ARSG: variants seen among roughly 807,000 people sequenced by gnomAD.
ARSG encodes ASG.
Under a neutral mutation model 50.5 loss-of-function variants are expected in ARSG, and 37 were observed. That is an observed-to-expected ratio of 0.73 (90% CI 0.56 to 0.96). The LOEUF (loss-of-function observed/expected upper bound fraction) is 0.96, where lower values mean the gene tolerates loss of function less well. Ranked by LOEUF, ARSG falls within the 50% of genes least tolerant of loss-of-function variation. The pLI is 0.00. For missense variants in ARSG, 629 were observed against 675.3 expected (o/e 0.93, Z 0.76); for synonymous variants, 225 against 254.6 (o/e 0.88, Z 1.11).
At position 68,271,697 on chromosome 17, in the gene ARSG, A is replaced by T; in HGVS notation, c.-552+12271A>T. 6.6e-7 allele frequency: 1 copy of T among 1,512,496 alleles called. No homozygotes were observed. Among genetic ancestry groups the T allele is most frequent in the Non-Finnish European group, 9.1e-7 (1 of 1,104,114 alleles). The allele number at this position is 1,512,496 out of a possible 1,614,324, so 93.7% of individuals were successfully genotyped here. On this transcript the variant is annotated intron_variant, in intron 1 of 11. Coordinates refer to the ARSG transcript ENST00000448504. This position sits in a 1 kb window ranked among gnomAD's most constrained non-coding sequence, Gnocchi z 5.3. ...GAAGAAGAAATAATATAAGGTCAATAATGGACTCAAGACCCAGGAGAAGCC... is the reference window on the plus strand; with the variant it reads ...GAAGAAGAAATAATATAAGGTCAATTATGGACTCAAGACCCAGGAGAAGCC...
intron 2 of ARSG, among the ~76,000 whole-genome samples, chr17:68,315,604 C>A (rs1445546594): frequency 1.3e-5 from 2 of 151,708 alleles, no homozygotes; most frequent in Non-Finnish European, 2.9e-5. Flanking sequence ...GCTGTCCAAG[C>A]ATAAGAGGCA....
chr17:68,426,254 G>GGGCCGCCCCCCCCC, downstream of ARSG: 1 of 816,924 alleles, frequency 1.2e-6, no homozygotes, highest in Non-Finnish European at 1.9e-6. Context: ...GGGAGCGGGG[G>GGGCCGCCCCCCCCC]CTCAAATAAA....
downstream of ARSG, chr17:68,426,310 T>G: frequency 1.4e-6 from 1 of 712,866 alleles, no homozygotes; most frequent in Non-Finnish European, 2.4e-6. Context: ...CTGGAGGTAC[T>G]GTGCCTAGGA....
At position 68,271,650 on chromosome 17, in the gene ARSG, G is replaced by C; in HGVS notation, c.-552+12224G>C. Reference sequence around the variant, plus strand: ...AGCCAATGCGCTCCTTCAGAGCCATGATTGCTTGAATAGGCAGGAGTGAAG... The same window carrying C: ...AGCCAATGCGCTCCTTCAGAGCCATCATTGCTTGAATAGGCAGGAGTGAAG... On this transcript the variant is annotated intron_variant, in intron 1 of 11. Transcript: ENST00000448504. This position sits in a 1 kb window ranked among gnomAD's most constrained non-coding sequence, Gnocchi z 5.3. The C allele has an allele frequency of 1.2e-6, 2 of 1,610,628 alleles. No homozygotes were observed. Among genetic ancestry groups the C allele is most frequent in the South Asian group, 2.2e-5 (2 of 91,000 alleles).
chr17:68,426,759 C>T (rs546488392), downstream of ARSG, among the ~76,000 whole-genome samples: 1 of 152,058 alleles, frequency 6.6e-6, no homozygotes, highest in African/African-American at 2.4e-5. Flanking sequence ...GGTCTCAAAC[C>T]CCTGGCCTCC....
At chr17:68,269,158 A>G in intron 1 of ARSG, 1 of 1,530,034 alleles carries the variant, frequency 6.5e-7, no homozygotes, top group Non-Finnish European at 8.7e-7. Flanking sequence ...ATTTCCAGAA[A>G]GTCTTCAGGT....
chr17:68,448,404 G>C, the ARSG span: 2 of 152,208 alleles, frequency 1.3e-5, no homozygotes, highest in Non-Finnish European at 2.9e-5. Flanking sequence ...TCCGACGTTA[G>C]ATCTTGGTTC....
chr17:68,370,836 T>G (rs1432983363), intron 8 of ARSG, among the ~76,000 whole-genome samples: 1 of 152,208 alleles, frequency 6.6e-6, no homozygotes, highest in Admixed American at 6.5e-5. Context: ...TTGTCTTTAC[T>G]TTCATCCTGT....
rs144540075 is a variant in ARSG, at chr17:68,346,422, G to T, written c.407-703G>T. ...TCTCTCGTTTGAGCGGTTTAATGCT[G>T]CCAGCGTCTCAATCTTTGTACCACA... On this transcript the variant is annotated intron_variant, in intron 3 of 11. Coordinates refer to ENST00000621439, the MANE Select transcript of ARSG (RefSeq NM_001267727.2). Among the ~76,000 whole-genome samples the T allele has an allele frequency of 1.8e-3, 279 of 152,272 alleles. 3 individuals carry two copies. Among genetic ancestry groups the T allele is most frequent in the African/African-American group, 6.4e-3 (266 of 41,544 alleles).
At chr17:68,426,250 G>GGGGGGGGGGGT, downstream of ARSG, 3 of 828,060 alleles carry the variant, frequency 3.6e-6, no homozygotes, top group Non-Finnish European at 1.9e-6. Flanking sequence ...GGTGGGGAGC[G>GGGGGGGGGGGT]GGGGCTCAAA....
At chr17:68,441,144 T>C in the ARSG span, 1 of 152,300 alleles carries the variant, frequency 6.6e-6, no homozygotes, top group African/African-American at 2.4e-5. Context: ...AGGACTTTCA[T>C]GGAGATTTCC....
chr17:68,428,950 A>G, the ARSG span: 3 of 1,604,076 alleles, frequency 1.9e-6, no homozygotes, highest in Non-Finnish European at 2.6e-6. Context: ...AGGGCCAAGG[A>G]AAACATAAAC....
intron 5 of ARSG, among the ~76,000 whole-genome samples, chr17:68,353,278 G>A (rs2078885260): frequency 6.6e-6 from 1 of 152,042 alleles, no homozygotes; most frequent in Admixed American, 6.5e-5. Flanking sequence ...GAAAGAGGTA[G>A]GAATGGAGAT....
intron 2 of ARSG, among the ~76,000 whole-genome samples, chr17:68,318,489 G>A (rs150429076): frequency 6.6e-6 from 1 of 152,346 alleles, no homozygotes; most frequent in African/African-American, 2.4e-5. Context: ...GAGCTCCTGG[G>A]CAGTAATGAC....
chr17:68,273,890 T>C (rs1479515787), intron 1 of ARSG: 1 of 1,601,462 alleles, frequency 6.2e-7, no homozygotes, highest in African/African-American at 1.3e-5. Context: ...TCAAACTAAG[T>C]GTCTAGACAA....
intron 1 of ARSG, among the ~76,000 whole-genome samples, chr17:68,260,853 T>C (rs1555745056): frequency 6.6e-6 from 1 of 151,766 alleles, no homozygotes; most frequent in African/African-American, 2.4e-5. Context: ...GAAAGCATTA[T>C]GGAAAAAAAA....
chr17:68,388,572 T>A (rs889149335), intron 9 of ARSG, among the ~76,000 whole-genome samples: 1 of 152,054 alleles, frequency 6.6e-6, no homozygotes, highest in Non-Finnish European at 1.5e-5. Context: ...CCTTCAGAGA[T>A]GAACTGGGGC....
chr17:68,353,781 A>T, intron 5 of ARSG, among the ~76,000 whole-genome samples: 1 of 152,132 alleles, frequency 6.6e-6, no homozygotes, highest in African/African-American at 2.4e-5. Context: ...TGATCATTAC[A>T]ATTTCCGCCT....
chr17:68,343,485 G>A, intron 2 of ARSG, 119 bp from the exon 3 acceptor site: 1 of 1,045,152 alleles, frequency 9.6e-7, no homozygotes, highest in Non-Finnish European at 1.4e-6. Context: ...CTTGTTCCAT[G>A]ACTGGGTGAT....
Sources: allele counts gnomAD v4.1 joint callset (sites outside exome capture counted in the v4.1 genomes callset), GRCh38; gene constraint gnomAD v4.1.1; non-coding constraint Gnocchi (gnomAD v3.1); transcripts MANE v1.5; gene names NCBI Gene and HGNC (gene_info 2026-07-23, HGNC 2026-07-21).